Variants in HS6ST3 observed in about 807,000 individuals in gnomAD.
HS6ST3 encodes heparan-sulfate 6-O-sulfotransferase 3.
A neutral mutation model predicts 36.7 loss-of-function variants in HS6ST3; 12 were observed. The observed-to-expected ratio is 0.33, with a 90% CI of 0.21 to 0.53. The LOEUF is 0.53. Ranked by LOEUF, HS6ST3 falls within the 20% of genes least tolerant of loss-of-function variation. The pLI, the probability that HS6ST3 is intolerant of heterozygous loss-of-function variation, is 0.95. For synonymous variants in HS6ST3, 240 were observed against 257.5 expected (o/e 0.93, Z 0.65); for missense variants, 584 against 640.9 (o/e 0.91, Z 0.96).
At chr13:96,217,303 C>T (rs891211260) in intron 1 of HS6ST3, among the ~76,000 whole-genome samples, 1 of 152,164 alleles carries the variant, frequency 6.6e-6, no homozygotes, top group South Asian at 2.1e-4. Context: ...TTATTTTTCT[C>T]ATTTAATGGA....
At chr13:96,143,690 C>G (rs1269762108) in intron 1 of HS6ST3, among the ~76,000 whole-genome samples, 1 of 152,074 alleles carries the variant, frequency 6.6e-6, no homozygotes, top group African/African-American at 2.4e-5. Flanking sequence ...TAGACACACT[C>G]TAAACAAACC....
chr13:96,639,495 T>C (rs1416767582), intron 1 of HS6ST3, among the ~76,000 whole-genome samples: 1 of 151,966 alleles, frequency 6.6e-6, no homozygotes, highest in African/African-American at 2.4e-5. Flanking sequence ...TGCCTCTTAA[T>C]AATACATCTA....
intron 1 of HS6ST3, among the ~76,000 whole-genome samples, chr13:96,139,207 AT>A (rs1319438353): frequency 2.6e-5 from 4 of 152,064 alleles, no homozygotes; most frequent in Non-Finnish European, 4.4e-5. Context: ...AACGCTTTGG[AT>A]ATTAATATAA....
chr13:96,101,478 ATGCATGTACCTTTT>A (rs2053818204), intron 1 of HS6ST3, among the ~76,000 whole-genome samples: 1 of 152,050 alleles, frequency 6.6e-6, no homozygotes, highest in Non-Finnish European at 1.5e-5. Context: ...GAAAGTACAC[ATGCATGTACCTTTT>A]GGTGCAAAAT....
At chr13:96,447,553 C>A (rs1314912038) in intron 1 of HS6ST3, among the ~76,000 whole-genome samples, 1 of 152,188 alleles carries the variant, frequency 6.6e-6, no homozygotes, top group South Asian at 2.1e-4. Context: ...CCAAACATGG[C>A]GATTCCTGCT....
chr13:96,095,863 GGTGT>G (rs141939376), intron 1 of HS6ST3, among the ~76,000 whole-genome samples: 219 of 140,392 alleles, frequency 1.6e-3, no homozygotes, highest in South Asian at 4.6e-3. Flanking sequence ...TTATATGACT[GGTGT>G]GTGTGTGTGT....
intron 1 of HS6ST3, among the ~76,000 whole-genome samples, chr13:96,680,273 A>T (rs2056713759): frequency 6.6e-6 from 1 of 152,012 alleles, no homozygotes. Flanking sequence ...TGCCATCACC[A>T]CCTGGTCAGC....
chr13:96,293,908 C>T (rs1007293243), intron 1 of HS6ST3, among the ~76,000 whole-genome samples: 1 of 152,102 alleles, frequency 6.6e-6, no homozygotes, highest in Non-Finnish European at 1.5e-5. Context: ...GTTGTCCATG[C>T]ACTTTTCTTA....
chr13:96,662,202 C>G (rs1244104332), intron 1 of HS6ST3, among the ~76,000 whole-genome samples: 1 of 152,096 alleles, frequency 6.6e-6, no homozygotes, highest in Non-Finnish European at 1.5e-5. Flanking sequence ...CAAACTTTTT[C>G]CTTTTTCTTC....
intron 1 of HS6ST3, among the ~76,000 whole-genome samples, chr13:96,590,617 A>G (rs2056378659): frequency 6.6e-6 from 1 of 151,972 alleles, no homozygotes; most frequent in Non-Finnish European, 1.5e-5. Flanking sequence ...TATTCTGCAG[A>G]TATTTTCTCC....
At chr13:96,120,027 G>A (rs373742516) in intron 1 of HS6ST3, among the ~76,000 whole-genome samples, 3 of 152,186 alleles carry the variant, frequency 2.0e-5, no homozygotes, top group African/African-American at 7.2e-5. Flanking sequence ...ATGTAATTTA[G>A]TTAAGAATAG....
intron 1 of HS6ST3, among the ~76,000 whole-genome samples, chr13:96,573,363 T>C (rs1017168195): frequency 6.6e-6 from 1 of 152,190 alleles, no homozygotes; most frequent in Non-Finnish European, 1.5e-5. Flanking sequence ...CTTTTGGGCC[T>C]ATGGGCCTGC....
intron 1 of HS6ST3, among the ~76,000 whole-genome samples, chr13:96,260,047 C>G (rs1489749181): frequency 1.3e-5 from 2 of 151,992 alleles, no homozygotes; most frequent in Non-Finnish European, 2.9e-5. Flanking sequence ...AGTCAATAAT[C>G]AGAGCCTTCT....
At chr13:96,153,806 C>T (rs2054098296) in intron 1 of HS6ST3, among the ~76,000 whole-genome samples, 1 of 152,196 alleles carries the variant, frequency 6.6e-6, no homozygotes, top group Admixed American at 6.5e-5. Context: ...TGAGGAATTT[C>T]CAACCAGAAT....
intron 1 of HS6ST3, among the ~76,000 whole-genome samples, chr13:96,547,675 T>A (rs2056202726): frequency 6.6e-6 from 1 of 152,132 alleles, no homozygotes. Flanking sequence ...TGTCACTGCT[T>A]TATCTGCCAC....
At chr13:96,788,535 G>A (rs1877708543) in intron 1 of HS6ST3, among the ~76,000 whole-genome samples, 1 of 151,864 alleles carries the variant, frequency 6.6e-6, no homozygotes, top group African/African-American at 2.4e-5. Flanking sequence ...TTTATGGAGT[G>A]TTCTACAAAT....
Position 96,112,226 on chromosome 13 carries a change from T to C in HS6ST3, c.707+20657T>C, listed in dbSNP as rs1370104694. On this transcript the variant is annotated intron_variant, in intron 1 of 1. Coordinates refer to ENST00000376705, the MANE Select transcript of HS6ST3 (RefSeq NM_153456.4). ...ATTTAATAACCAGTTTCCCACAATA[T>C]TTAGAAACACAGCAAACTCTTTTAG... 3.3e-5 allele frequency among the ~76,000 whole-genome samples: 5 copies of C among 152,124 alleles called. No homozygotes were observed. The East Asian group carries it at 7.7e-4, about 23-fold the overall frequency.
chr13:96,366,340 G>T (rs936934089), intron 1 of HS6ST3, among the ~76,000 whole-genome samples: 4 of 152,034 alleles, frequency 2.6e-5, no homozygotes, highest in African/African-American at 9.7e-5. Context: ...GAGCGTGATG[G>T]CATGCACCCA....
chr13:96,592,714 T>A (rs2056387019), intron 1 of HS6ST3, among the ~76,000 whole-genome samples: 1 of 152,094 alleles, frequency 6.6e-6, no homozygotes, highest in South Asian at 2.1e-4. Flanking sequence ...TATTTTAGGG[T>A]ACAATATTTT....
Sources: allele counts gnomAD v4.1 joint callset (sites outside exome capture counted in the v4.1 genomes callset), GRCh38; gene constraint gnomAD v4.1.1; transcripts MANE v1.5; gene names NCBI Gene and HGNC (gene_info 2026-07-23, HGNC 2026-07-21).